Variants in KIF9 observed in about 807,000 individuals in gnomAD.
The protein encoded by KIF9 is kinesin-like protein KIF9.
A neutral mutation model predicts 94.8 loss-of-function variants in KIF9; 68 were observed. The observed-to-expected ratio is 0.72, with a 90% confidence interval of 0.59 to 0.88. The LOEUF (loss-of-function observed/expected upper bound fraction) is 0.88, where lower values mean the gene tolerates loss of function less well. KIF9 is among the 40% of genes least tolerant of loss of function. The pLI, the probability that KIF9 is intolerant of heterozygous loss-of-function variation, is 0.00. For synonymous variants in KIF9, 343 were observed against 362.1 expected, an observed-to-expected ratio of 0.95 and a Z score of 0.60; for missense variants, 882 against 982.5, an observed-to-expected ratio of 0.90 and a Z score of 1.37.
intron 10 of KIF9, among the ~76,000 whole-genome samples, chr3:47,254,762 G>C (rs1033437617): frequency 2.0e-5 from 3 of 152,126 alleles, no homozygotes; most frequent in African/African-American, 7.2e-5. Context: ...AAGAGAGGAG[G>C]CCTCAGTGTC....
intron 10 of KIF9, among the ~76,000 whole-genome samples, chr3:47,256,018 T>G (rs1700560994): frequency 6.6e-6 from 1 of 152,224 alleles, no homozygotes; most frequent in Non-Finnish European, 1.5e-5. Context: ...AGCCCCGGCC[T>G]CCCGAGGTGC....
chr3:47,255,376 C>T (rs1437165279), intron 10 of KIF9, among the ~76,000 whole-genome samples: 1 of 152,140 alleles, frequency 6.6e-6, no homozygotes, highest in Non-Finnish European at 1.5e-5. Context: ...TGATGCTGAG[C>T]ACTCCCTCTG....
At chr3:47,234,217 G>A (rs1217243735) in intron 20 of KIF9, among the ~76,000 whole-genome samples, 2 of 151,986 alleles carry the variant, frequency 1.3e-5, no homozygotes, top group South Asian at 4.1e-4. Context: ...GATAGAGGGG[G>A]ACAGCATTTG....
intron 3 of KIF9, among the ~76,000 whole-genome samples, chr3:47,274,363 G>A (rs1206265575): frequency 6.6e-6 from 1 of 152,150 alleles, no homozygotes. Context: ...CCTGAGCTCC[G>A]GCTCCTATCT....
chr3:47,235,476 G>T lies in KIF9; in HGVS notation c.2322+37C>A, dbSNP rs1220710120. On this transcript the variant is annotated intron_variant, in intron 20 of 20. Transcript: ENST00000684063. Reference sequence around the variant, plus strand: ...GATCCTGGGTTTCCTAGTCACTGAGGCCCCCATCCTCCTGGAGACATAGGC... The same window carrying T: ...GATCCTGGGTTTCCTAGTCACTGAGTCCCCCATCCTCCTGGAGACATAGGC... 3.6e-6 allele frequency: 5 copies of T among 1,403,326 alleles called. No individual in the cohort carries two copies. The African/African-American group carries it at 5.7e-5, about 16-fold the overall frequency. The allele number at this position is 1,403,326 out of a possible 1,614,324, so 86.9% of individuals were successfully genotyped here.
intron 1 of KIF9, chr3:47,282,288 G>A (rs1702430343): frequency 2.0e-6 from 2 of 985,702 alleles, no homozygotes; most frequent in Non-Finnish European, 2.4e-6. Flanking sequence ...TGGGACCAAT[G>A]AACATTAGCT....
chr3:47,265,051 T>C (rs905848220), intron 8 of KIF9, among the ~76,000 whole-genome samples: 3 of 152,340 alleles, frequency 2.0e-5, no homozygotes, highest in African/African-American at 7.2e-5. Context: ...ATGTCTATTG[T>C]TTAAGCCACT....
intron 9 of KIF9, among the ~76,000 whole-genome samples, chr3:47,262,138 C>T (rs1339293911): frequency 6.6e-6 from 1 of 152,176 alleles, no homozygotes; most frequent in African/African-American, 2.4e-5. Flanking sequence ...GTTTCCTGAG[C>T]TGTAACCATC....
intron 20 of KIF9, among the ~76,000 whole-genome samples, chr3:47,234,846 G>A (rs1442446822): frequency 6.7e-6 from 1 of 149,656 alleles, no homozygotes; most frequent in Non-Finnish European, 1.5e-5. Flanking sequence ...GTGAGCCACC[G>A]TGCCCAGCCA....
Position 47,251,155 on chromosome 3 carries a change from A to C in KIF9, c.1060-3069T>G, listed in dbSNP as rs192675924. ...ATGCCATCCTTCTCCCAGCTCTAGAAAATGTATCATGGCCCAGCTACAGAA... is the reference window on the plus strand; with the variant it reads ...ATGCCATCCTTCTCCCAGCTCTAGACAATGTATCATGGCCCAGCTACAGAA... On this transcript the variant is annotated intron_variant, in intron 10 of 20. Transcript: ENST00000684063. 2.6e-5 allele frequency among the ~76,000 whole-genome samples: 4 copies of C among 152,278 alleles called. No homozygotes were observed. In the East Asian group the frequency reaches 7.7e-4, roughly 29 times the overall value.
chr3:47,245,652 C>A (rs1341835534), intron 13 of KIF9, 141 bp from the exon 14 acceptor site: 2 of 666,810 alleles, frequency 3.0e-6, no homozygotes, highest in Non-Finnish European at 5.4e-6. Context: ...CCAGACCAGA[C>A]AAAAGGACAA....
intron 13 of KIF9, 168 bp downstream of exon 13, chr3:47,246,029 A>G (rs2107228392): frequency 1.7e-6 from 1 of 590,882 alleles, no homozygotes; most frequent in Non-Finnish European, 3.0e-6. Context: ...CTGTCCAATT[A>G]ATGAACTCAC....
In KIF9 at chr3:47,266,971, C is replaced by G; in HGVS notation, c.768+5G>C. On this transcript the variant is annotated splice_donor_5th_base_variant and intron_variant, in intron 7 of 20. Coordinates refer to ENST00000684063, the MANE Select transcript of KIF9 (RefSeq NM_182902.4). ...GAGTAGCAACCTCCAGCCCCCATCA[C>G]TTACCCCAGACTTCCCCAGCCTCTC... 1 of 1,611,318 alleles carries G rather than the reference C, an allele frequency of 6.2e-7. No homozygotes were observed. The highest frequency in any genetic ancestry group is 8.5e-7 in the Non-Finnish European group (1 of 1,177,758).
intron 20 of KIF9, among the ~76,000 whole-genome samples, chr3:47,229,202 G>A (rs1419955376): frequency 2.6e-5 from 4 of 152,334 alleles, no homozygotes; most frequent in Non-Finnish European, 4.4e-5. Flanking sequence ...AAACTAGCTT[G>A]GAACATGGAA....
chr3:47,235,893 T>C, intron 19 of KIF9, 141 bp downstream of exon 19: 1 of 681,678 alleles, frequency 1.5e-6, no homozygotes, highest in Non-Finnish European at 2.6e-6. Context: ...GACCTGTACC[T>C]GCCCACCTGC....
chr3:47,264,349 C>G lies in KIF9; in HGVS notation c.918G>C (p.Gly306=). The G allele has an allele frequency of 1.2e-6, 2 of 1,613,288 alleles. No individual in the cohort carries two copies. The highest frequency in any genetic ancestry group is 1.3e-5 in the African/African-American group (1 of 75,038). ...KLTHALKDSL[G]GNCNMVLVTN... ...TCACGAGGACCATATTGCAGTTTCCCCCTGCGGAAAGCAAGACACAGAAGG... is the reference window on the plus strand; with the variant it reads ...TCACGAGGACCATATTGCAGTTTCCGCCTGCGGAAAGCAAGACACAGAAGG... The change falls in exon 9 of 21, where the codon GGG becomes GGC. Residue 306 remains glycine (G), a splice_region_variant and synonymous_variant. Transcript: ENST00000684063.
chr3:47,246,168 G>A (rs1699912193), intron 13 of KIF9, 29 bp downstream of exon 13: 1 of 1,600,210 alleles, frequency 6.2e-7, no homozygotes, highest in African/African-American at 1.3e-5. Flanking sequence ...GCCTGATGTA[G>A]GAATGAGGTA....
At chr3:47,260,369 T>G (rs1481250918) in intron 9 of KIF9, among the ~76,000 whole-genome samples, 3 of 151,954 alleles carry the variant, frequency 2.0e-5, no homozygotes, top group Non-Finnish European at 2.9e-5. Flanking sequence ...ATCCTCCATA[T>G]GCTGAACGCT....
At chr3:47,278,911 G>A (rs967883239) in intron 1 of KIF9, among the ~76,000 whole-genome samples, 3 of 152,098 alleles carry the variant, frequency 2.0e-5, no homozygotes, top group African/African-American at 7.2e-5. Flanking sequence ...CGTGGAGGGT[G>A]CAGTGAGCTG....
Sources: allele counts gnomAD v4.1 joint callset (sites outside exome capture counted in the v4.1 genomes callset), GRCh38; gene constraint gnomAD v4.1.1; transcripts MANE v1.5; gene names NCBI Gene and HGNC (gene_info 2026-07-23, HGNC 2026-07-21).